Variants in PRELID3B observed in about 807,000 individuals in gnomAD.
PRELID3B encodes the protein PRELI domain containing protein 3B.
In PRELID3B, 15 loss-of-function variants were observed where a neutral mutation model predicts 24.0. The observed-to-expected ratio is 0.63, with a 90% CI of 0.42 to 0.96. The LOEUF (loss-of-function observed/expected upper bound fraction) is 0.96, where lower values mean the gene tolerates loss of function less well. PRELID3B is among the 40% of genes least tolerant of loss of function. The pLI, the probability that PRELID3B is intolerant of heterozygous loss-of-function variation, is 0.00. For synonymous variants in PRELID3B, 62 were observed against 76.0 expected (o/e 0.82, Z 0.96); for missense variants, 189 against 236.0 (o/e 0.80, Z 1.30).
intron 1 of PRELID3B, among the ~76,000 whole-genome samples, chr20:59,038,899 ACTTATC>A (rs1352193797): frequency 2.0e-5 from 3 of 152,220 alleles, no homozygotes; most frequent in Non-Finnish European, 1.5e-5. Flanking sequence ...CATCTTTCCT[ACTTATC>A]CTTATCCACT....
chr20:59,036,227 T>C (rs375715829), intron 5 of PRELID3B, among the ~76,000 whole-genome samples: 1 of 152,122 alleles, frequency 6.6e-6, no homozygotes, highest in East Asian at 1.9e-4. Context: ...AAACGGGTAA[T>C]CTCCACTTTA....
Position 59,033,512 on chromosome 20 carries a change from G to A in PRELID3B, c.*1495C>T, listed in dbSNP as rs1337910788. 6.6e-6 allele frequency: 1 copy of A among 151,858 alleles called. No homozygotes were observed. Among genetic ancestry groups the A allele is most frequent in the Non-Finnish European group, 1.5e-5 (1 of 67,956 alleles). 9.4% of individuals were successfully genotyped at this position (151,858 alleles called of 1,614,324 possible). The stretch of plus-strand genomic sequence containing the variant: ...ATTTCACTTGTAAAAACTATCTCCG[G>A]TTACAAAAAAAAATCAGAAACCTTA... On this transcript the variant is annotated 3_prime_UTR_variant, in exon 6 of 6. Transcript: ENST00000355937.
In PRELID3B at chr20:59,033,629, T is replaced by C. The variant is rs2092049896; in HGVS notation, c.*1378A>G. ...ACGATAATTTAAAAATAGTGTGTTA[T>C]ACTATTTCTGTGGTTTATGTACATA... On this transcript the variant is annotated 3_prime_UTR_variant, in exon 6 of 6. Transcript: ENST00000355937. 1.3e-5 allele frequency: 2 copies of C among 152,256 alleles called. No individual in the cohort carries two copies. The highest frequency in any genetic ancestry group is 1.3e-4 in the Admixed American group (2 of 15,278). The allele number at this position is 152,256 out of a possible 1,614,324, so 9.4% of individuals were successfully genotyped here. A position where few individuals can be genotyped will look rare whatever the true frequency, so the allele number is the denominator to read the frequency against.
At chr20:59,036,635 T>TA (rs1220554932) in intron 4 of PRELID3B, 55 bp downstream of exon 4, 64 of 1,582,968 alleles carry the variant, frequency 4.0e-5, no homozygotes, top group Non-Finnish European at 5.2e-5. Context: ...AAAAACTTGA[T>TA]AAAAAAACCT....
At chr20:59,038,786 G>T in intron 1 of PRELID3B, 152 bp from the exon 2 acceptor site, 1 of 1,028,852 alleles carries the variant, frequency 9.7e-7, no homozygotes, top group Non-Finnish European at 1.3e-6. Flanking sequence ...AAACACTGAT[G>T]ATTATGGGAA....
rs780015352 is a variant in PRELID3B, at chr20:59,036,720, A to G, written c.332T>C (p.Ile111Thr). The G allele has an allele frequency of 2.9e-5, 46 of 1,599,588 alleles. No individual in the cohort carries two copies. The South Asian group carries it at 3.7e-4, about 13-fold the overall frequency. The change falls in exon 4 of 6, where the codon ATA becomes ACA. Residue 111 changes from isoleucine to threonine, a missense_variant. Physicochemically the swap from Ile to Thr is moderately conservative, Grantham distance 89. Coordinates refer to ENST00000355937, the MANE Select transcript of PRELID3B (RefSeq NM_016045.3). ...TGGATCCTGAGGATGTGGTTTGTAT[A>G]TAAGTCTCTCATCTACTGAAACCAT... ...TNMVSVDERL[I>T]YKPHPQDPEK...
intron 5 of PRELID3B, among the ~76,000 whole-genome samples, chr20:59,035,769 C>T (rs141490673): frequency 6.6e-6 from 1 of 152,178 alleles, no homozygotes; most frequent in Non-Finnish European, 1.5e-5. Context: ...CTTAGTTCCA[C>T]GGGGGCAGGG....
rs2092047205 is a variant in PRELID3B at position 59,033,237 on chromosome 20, ATTC to A, written c.*1767_*1769del. On this transcript the variant is annotated 3_prime_UTR_variant, in exon 6 of 6. Transcript: ENST00000355937. The stretch of plus-strand genomic sequence containing the variant: ...CCAAGGGTTTCATTTATGAACACTT[ATTC>A]CAGTTTAGTTCTCTTAAATTCATTT... 6.6e-6 allele frequency: 1 copy of A among 152,240 alleles called. No individual in the cohort carries two copies. Among genetic ancestry groups the A allele is most frequent in the Non-Finnish European group, 1.5e-5 (1 of 68,034 alleles). 9.4% of individuals were successfully genotyped at this position (152,240 alleles called of 1,614,324 possible).
At position 59,034,954 on chromosome 20, in the gene PRELID3B, T is replaced by C. The variant is rs2092060142; in HGVS notation, c.*53A>G. 2.8e-6 allele frequency: 4 copies of C among 1,427,416 alleles called. No homozygotes were observed. The highest frequency in any genetic ancestry group is 3.7e-6 in the Non-Finnish European group (4 of 1,074,086). The allele number at this position is 1,427,416 out of a possible 1,614,324, so 88.4% of individuals were successfully genotyped here. A position where few individuals can be genotyped will look rare whatever the true frequency, so the allele number is the denominator to read the frequency against. On this transcript the variant is annotated 3_prime_UTR_variant, in exon 6 of 6. Coordinates refer to ENST00000355937, the MANE Select transcript of PRELID3B (RefSeq NM_016045.3). ...ATTTTTAAAATAACAAATAAATATA[T>C]AGTCAGTTTGGAGAGACCTGGAGTA...
chr20:59,034,735 CCA>C lies in PRELID3B; in HGVS notation c.*270_*271del, dbSNP rs58897385. ...ACCTTAAGGAGACTGAATATCAATACCAGTTTCCAAGGAGTTCTTGTTGAATT... is the reference window on the plus strand; with the variant it reads ...ACCTTAAGGAGACTGAATATCAATACGTTTCCAAGGAGTTCTTGTTGAATT... On this transcript the variant is annotated 3_prime_UTR_variant, in exon 6 of 6. Transcript: ENST00000355937. 39,960 of 313,494 alleles carry C rather than the reference CCA, an allele frequency of 0.13. 3,467 individuals carry two copies. Among genetic ancestry groups the C allele is most frequent in the East Asian group, 0.4 (6,762 of 16,832 alleles). The allele number at this position is 313,494 out of a possible 1,614,324, so 19.4% of individuals were successfully genotyped here.
At chr20:59,035,906 T>A (rs1398409607) in intron 5 of PRELID3B, among the ~76,000 whole-genome samples, 1 of 152,196 alleles carries the variant, frequency 6.6e-6, no homozygotes, top group Non-Finnish European at 1.5e-5. Context: ...GTGCATGGCA[T>A]CTTTCTCTAA....
At chr20:59,038,368 A>G in intron 2 of PRELID3B, 98 bp downstream of exon 2, 3 of 997,376 alleles carry the variant, frequency 3.0e-6, no homozygotes, top group Admixed American at 5.2e-5. Context: ...AAAAAATGAC[A>G]TTCAGAATCG....
rs1161739526 is a variant in PRELID3B, at chr20:59,040,433, CA to C, written c.33-1800del. ...AACGAGGTGAGGACATTATTAACTC[CA>C]CTGGCGCAGCATCGAGGTCTTGATT... On this transcript the variant is annotated intron_variant, in intron 1 of 5. Transcript: ENST00000355937. This position sits in a 1 kb window ranked among gnomAD's most constrained non-coding sequence, Gnocchi z 4.1. Among the ~76,000 whole-genome samples, 1 of 152,174 alleles carries C rather than the reference CA, an allele frequency of 6.6e-6. No homozygotes were observed. The highest frequency in any genetic ancestry group is 1.5e-5 in the Non-Finnish European group (1 of 68,036).
At chr20:59,041,819 T>C (rs76454325) in intron 1 of PRELID3B, among the ~76,000 whole-genome samples, 3 of 152,188 alleles carry the variant, frequency 2.0e-5, no homozygotes, top group East Asian at 3.8e-4. Context: ...TACAAGGCTA[T>C]ACTAATTAAA....
chr20:59,041,691 C>T (rs1407958097), intron 1 of PRELID3B, among the ~76,000 whole-genome samples: 2 of 152,124 alleles, frequency 1.3e-5, no homozygotes, highest in South Asian at 2.1e-4. Context: ...GCCAAGAACA[C>T]GCCACTACTC....
chr20:59,039,144 T>C (rs1416841046), intron 1 of PRELID3B, among the ~76,000 whole-genome samples: 2 of 152,228 alleles, frequency 1.3e-5, no homozygotes, highest in African/African-American at 4.8e-5. Context: ...ATTATTGAAC[T>C]TTCCCTTCAT....
At chr20:59,037,081 G>T in intron 3 of PRELID3B, 110 bp downstream of exon 3, 2 of 805,068 alleles carry the variant, frequency 2.5e-6, no homozygotes, top group Admixed American at 2.2e-5. Flanking sequence ...CATAAGCAGG[G>T]ATTCTCTGAA....
chr20:59,036,579 A>C lies in PRELID3B; in HGVS notation c.363-6T>G, dbSNP rs768238602. 1 of 1,609,992 alleles carries C rather than the reference A, an allele frequency of 6.2e-7. No individual in the cohort carries two copies. The highest frequency in any genetic ancestry group is 1.7e-5 in the Admixed American group (1 of 59,830). ...CTTCTTGTGTCAAAACAGTTCTGGAACAAAACATATTCACACAGGTTCAGA... is the reference window on the plus strand; with the variant it reads ...CTTCTTGTGTCAAAACAGTTCTGGACCAAAACATATTCACACAGGTTCAGA... On this transcript the variant is annotated splice_polypyrimidine_tract_variant and splice_region_variant and intron_variant, in intron 4 of 5. Coordinates refer to ENST00000355937, the MANE Select transcript of PRELID3B (RefSeq NM_016045.3).
rs1333121887 is a variant in PRELID3B, at chr20:59,036,576, G to A, written c.363-3C>T. The A allele has an allele frequency of 6.2e-7, 1 of 1,610,058 alleles. No homozygotes were observed. The highest frequency in any genetic ancestry group is 8.5e-7 in the Non-Finnish European group (1 of 1,179,032). On this transcript the variant is annotated splice_polypyrimidine_tract_variant and splice_region_variant and intron_variant, in intron 4 of 5. Transcript: ENST00000355937. ...TGGCTTCTTGTGTCAAAACAGTTCTGGAACAAAACATATTCACACAGGTTC... is the reference window on the plus strand; with the variant it reads ...TGGCTTCTTGTGTCAAAACAGTTCTAGAACAAAACATATTCACACAGGTTC...
Sources: gnomAD v4.1 joint callset for allele counts (sites outside exome capture counted in the v4.1 genomes callset) on GRCh38, gnomAD v4.1.1 for gene constraint, Gnocchi (gnomAD v3.1) non-coding constraint, MANE v1.5 for transcripts, NCBI Gene and HGNC (gene_info 2026-07-23, HGNC 2026-07-21) for gene names.